Variants in SGCZ observed in about 807,000 individuals in gnomAD.
SGCZ encodes the protein sarcoglycan zeta.
Under a neutral mutation model 41.3 loss-of-function variants are expected in SGCZ, and 40 were observed. The ratio of observed to expected loss-of-function variants is 0.97; its 90% CI spans 0.75 to 1.26. The LOEUF is 1.26. SGCZ is among the 50% of genes most tolerant of loss of function. The pLI, the probability that SGCZ is intolerant of heterozygous loss-of-function variation, is 0.00. For synonymous variants in SGCZ, 206 were observed against 137.5 expected (o/e 1.50, Z -3.49); for missense variants, 552 against 369.8 (o/e 1.49, Z -4.04).
intron 1 of SGCZ, among the ~76,000 whole-genome samples, chr8:14,891,270 C>G (rs1304096930): frequency 2.0e-5 from 3 of 152,266 alleles, no homozygotes; most frequent in Admixed American, 6.5e-5. Context: ...ATTTGCCATT[C>G]TCAGTACTGT....
At chr8:14,832,259 C>G (rs1802558448) in intron 1 of SGCZ, among the ~76,000 whole-genome samples, 1 of 152,092 alleles carries the variant, frequency 6.6e-6, no homozygotes, top group Non-Finnish European at 1.5e-5. Flanking sequence ...GGATAACTAT[C>G]AATAAAGCTA....
At chr8:14,901,724 T>C (rs1459610759) in intron 1 of SGCZ, among the ~76,000 whole-genome samples, 1 of 152,144 alleles carries the variant, frequency 6.6e-6, no homozygotes, top group African/African-American at 2.4e-5. Context: ...CCTAAAGCTG[T>C]GTCAAGCAAC....
chr8:14,336,864 G>A (rs1412053090), intron 2 of SGCZ, among the ~76,000 whole-genome samples: 3 of 152,046 alleles, frequency 2.0e-5, no homozygotes, highest in Non-Finnish European at 4.4e-5. Flanking sequence ...CTATTTAATG[G>A]AAATCTGTAT....
chr8:14,090,483 G>A lies in SGCZ; in HGVS notation c.899C>T (p.Ser300Phe). The A allele has an allele frequency of 1.2e-6, 2 of 1,613,022 alleles. No homozygotes were observed. Among genetic ancestry groups the A allele is most frequent in the Non-Finnish European group, 1.7e-6 (2 of 1,179,376 alleles). The change falls in exon 8 of 8, where the codon TCC becomes TTC. Residue 300 changes from serine (S) to phenylalanine (F), a missense_variant. Physicochemically the swap from Ser to Phe is radical, Grantham distance 155. Transcript: ENST00000382080. The part of the protein sequence containing the change: ...KLYLSPAGVG[S>F]TCQSSSNICL... ...GATGTTGCTACTGGACTGACAAGTG[G>A]AACCTACTCCTGCTGGAGAAAGGTA...
intron 1 of SGCZ, among the ~76,000 whole-genome samples, chr8:14,587,370 G>C (rs1410536178): frequency 1.5e-5 from 2 of 129,642 alleles, no homozygotes; most frequent in Non-Finnish European, 3.4e-5. Flanking sequence ...CTTGCATTTG[G>C]AGCTAAAAAA....
At chr8:14,526,524 C>A (rs1256514552) in intron 2 of SGCZ, among the ~76,000 whole-genome samples, 3 of 152,098 alleles carry the variant, frequency 2.0e-5, no homozygotes, top group Non-Finnish European at 4.4e-5. Context: ...AGTTAAAGCA[C>A]ACATTGTATA....
At chr8:14,269,847 T>A (rs569833667) in intron 3 of SGCZ, among the ~76,000 whole-genome samples, 18 of 152,286 alleles carry the variant, frequency 1.2e-4, no homozygotes, top group Non-Finnish European at 1.6e-4. Flanking sequence ...ATCCTTTCAA[T>A]AATTTTGAGA....
At chr8:14,895,014 A>G (rs1282672010) in intron 1 of SGCZ, among the ~76,000 whole-genome samples, 1 of 152,230 alleles carries the variant, frequency 6.6e-6, no homozygotes, top group Non-Finnish European at 1.5e-5. Flanking sequence ...TTGGGGGTCC[A>G]GGGTAATAAT....
intron 1 of SGCZ, among the ~76,000 whole-genome samples, chr8:15,050,894 A>G (rs940167463): frequency 6.6e-6 from 1 of 152,188 alleles, no homozygotes; most frequent in Non-Finnish European, 1.5e-5. Context: ...GGAATTCTGC[A>G]CCACAACATT....
intron 1 of SGCZ, among the ~76,000 whole-genome samples, chr8:15,133,677 C>T (rs907749549): frequency 1.3e-5 from 2 of 152,034 alleles, no homozygotes; most frequent in African/African-American, 4.8e-5. Flanking sequence ...ATGAATAATG[C>T]CCATGTAATT....
At chr8:14,276,396 G>C (rs899972209) in intron 3 of SGCZ, among the ~76,000 whole-genome samples, 8 of 152,000 alleles carry the variant, frequency 5.3e-5, no homozygotes, top group East Asian at 3.9e-4. Flanking sequence ...TCGATATCAG[G>C]GTTTCATTGC....
intron 1 of SGCZ, among the ~76,000 whole-genome samples, chr8:14,806,061 T>C (rs1801514014): frequency 6.6e-6 from 1 of 151,304 alleles, no homozygotes; most frequent in Admixed American, 6.6e-5. Context: ...TACCAGAATC[T>C]CTGGGACGCA....
chr8:14,251,880 T>A (rs55755261), intron 3 of SGCZ, among the ~76,000 whole-genome samples: 1 of 151,836 alleles, frequency 6.6e-6, no homozygotes, highest in African/African-American at 2.4e-5. Context: ...CACCTAATTT[T>A]TGTACTTTTA....
At chr8:14,157,136 G>C (rs911929415) in intron 5 of SGCZ, among the ~76,000 whole-genome samples, 6 of 151,836 alleles carry the variant, frequency 4.0e-5, no homozygotes, top group Non-Finnish European at 8.8e-5. Context: ...GTAGTATGTT[G>C]TGCTCTGACC....
intron 5 of SGCZ, among the ~76,000 whole-genome samples, chr8:14,146,639 G>A (rs1233025110): frequency 4.6e-5 from 7 of 151,906 alleles, no homozygotes; most frequent in Non-Finnish European, 1.0e-4. Context: ...TTGGGAGGCC[G>A]AGGCGGGCGG....
chr8:14,908,526 A>G (rs1378177028), intron 1 of SGCZ, among the ~76,000 whole-genome samples: 3 of 152,066 alleles, frequency 2.0e-5, no homozygotes, highest in Admixed American at 2.0e-4. Flanking sequence ...CCCAGGTGGG[A>G]GGATCACGAG....
At chr8:14,121,617 C>G (rs1011532712) in intron 5 of SGCZ, among the ~76,000 whole-genome samples, 5 of 152,088 alleles carry the variant, frequency 3.3e-5, no homozygotes, top group African/African-American at 7.2e-5. Flanking sequence ...ATCAGATAGA[C>G]TTTTCCATTC....
chr8:14,303,488 G>A (rs114267994), intron 3 of SGCZ, among the ~76,000 whole-genome samples: 1,841 of 152,148 alleles, frequency 0.012, 42 homozygotes, highest in African/African-American at 0.041. Context: ...TAGACTAGAA[G>A]TCCTAGGATA....
chr8:15,113,626 G>C (rs1374311193), intron 1 of SGCZ, among the ~76,000 whole-genome samples: 1 of 152,064 alleles, frequency 6.6e-6, no homozygotes, highest in African/African-American at 2.4e-5. Flanking sequence ...GAGGTATAAG[G>C]GGGGCCTCCT....
Sources: allele counts gnomAD v4.1 joint callset (sites outside exome capture counted in the v4.1 genomes callset), GRCh38; gene constraint gnomAD v4.1.1; transcripts MANE v1.5; gene names NCBI Gene and HGNC (gene_info 2026-07-23, HGNC 2026-07-21).